The following JAZF1 variants were observed in gnomAD, a reference collection of about 807,000 sequenced individuals.
The protein encoded by JAZF1 is JAZF zinc finger 1.
In JAZF1, 8 loss-of-function variants were observed where a neutral mutation model predicts 26.4. That is an observed-to-expected ratio of 0.30 (90% CI 0.18 to 0.55). The LOEUF (loss-of-function observed/expected upper bound fraction) is 0.55. Ranked by LOEUF, JAZF1 falls within the 20% of genes least tolerant of loss-of-function variation. The pLI is 0.94. For missense variants in JAZF1, 199 were observed against 322.0 expected (o/e 0.62, Z 2.92); for synonymous variants, 126 against 122.3 (o/e 1.03, Z -0.20).
At chr7:27,935,747 C>T (rs964015860) in intron 2 of JAZF1, among the ~76,000 whole-genome samples, 1 of 152,124 alleles carries the variant, frequency 6.6e-6, no homozygotes, top group Non-Finnish European at 1.5e-5. Flanking sequence ...AATTGCTAGC[C>T]CCCAGCAAAA....
intron 1 of JAZF1, among the ~76,000 whole-genome samples, chr7:28,073,015 T>G (rs946971061): frequency 2.0e-5 from 3 of 152,178 alleles, no homozygotes; most frequent in Non-Finnish European, 2.9e-5. Flanking sequence ...ACTCCAGCCT[T>G]GCCTCAGTAT....
chr7:28,025,558 A>G (rs1562563004), intron 1 of JAZF1, among the ~76,000 whole-genome samples: 1 of 152,246 alleles, frequency 6.6e-6, no homozygotes, highest in East Asian at 1.9e-4. Context: ...ATTTTTCAGA[A>G]GTAAAATACG....
At chr7:27,845,118 T>C (rs1028418901) in intron 3 of JAZF1, among the ~76,000 whole-genome samples, 1 of 152,170 alleles carries the variant, frequency 6.6e-6, no homozygotes, top group Non-Finnish European at 1.5e-5. Context: ...ACAAAATATA[T>C]AAAGTATTTC....
intron 3 of JAZF1, among the ~76,000 whole-genome samples, chr7:27,868,854 CT>C (rs1260767452): frequency 6.6e-6 from 1 of 152,158 alleles, no homozygotes; most frequent in African/African-American, 2.4e-5. Context: ...ATGGAGAAGG[CT>C]TTTCACGGTG....
intron 2 of JAZF1, among the ~76,000 whole-genome samples, chr7:27,970,518 AT>A (rs1365804461): frequency 6.6e-6 from 1 of 152,196 alleles, no homozygotes; most frequent in African/African-American, 2.4e-5. Context: ...GAAATGTAGC[AT>A]TTCTTTCAAT....
intron 1 of JAZF1, among the ~76,000 whole-genome samples, chr7:28,123,385 G>T (rs1307551491): frequency 1.3e-5 from 2 of 152,116 alleles, no homozygotes; most frequent in Non-Finnish European, 2.9e-5. Flanking sequence ...GCACTTATCA[G>T]AGCTGTACTG....
chr7:28,160,693 A>G (rs939548863), intron 1 of JAZF1, among the ~76,000 whole-genome samples: 8 of 152,174 alleles, frequency 5.3e-5, no homozygotes, highest in Non-Finnish European at 1.0e-4. Context: ...GTGTTTTAGG[A>G]AGGTCACGAT....
intron 1 of JAZF1, among the ~76,000 whole-genome samples, chr7:28,115,731 C>T (rs1298965277): frequency 6.6e-6 from 1 of 152,116 alleles, no homozygotes; most frequent in Admixed American, 6.5e-5. Flanking sequence ...TCTTCCTGCT[C>T]ACCACATCCT....
chr7:27,991,188 C>G (rs762136685), intron 2 of JAZF1, among the ~76,000 whole-genome samples: 1 of 152,190 alleles, frequency 6.6e-6, no homozygotes, highest in Non-Finnish European at 1.5e-5. Flanking sequence ...AATTCATTCC[C>G]TGAATTATGA....
intron 1 of JAZF1, among the ~76,000 whole-genome samples, chr7:28,151,572 A>G (rs956074283): frequency 6.6e-6 from 1 of 151,958 alleles, no homozygotes. Flanking sequence ...AGGCCAAGGC[A>G]GATGGATCAC....
intron 1 of JAZF1, among the ~76,000 whole-genome samples, chr7:28,023,061 G>A (rs573206710): frequency 1.6e-4 from 25 of 152,288 alleles, no homozygotes; most frequent in African/African-American, 4.1e-4. Flanking sequence ...ACAAATAATG[G>A]TATACAATAA....
At chr7:27,944,634 T>C (rs1379581895) in intron 2 of JAZF1, among the ~76,000 whole-genome samples, 5 of 152,330 alleles carry the variant, frequency 3.3e-5, no homozygotes, top group Non-Finnish European at 5.9e-5. Flanking sequence ...CTGAAACATA[T>C]GGATGTGAGA....
At chr7:27,894,214 G>C (rs938245533) in intron 3 of JAZF1, among the ~76,000 whole-genome samples, 2 of 152,156 alleles carry the variant, frequency 1.3e-5, no homozygotes, top group African/African-American at 4.8e-5. Context: ...TCTGGCACTT[G>C]TGAGGCATTC....
intron 2 of JAZF1, among the ~76,000 whole-genome samples, chr7:27,977,756 T>C (rs1042355191): frequency 1.3e-5 from 2 of 152,174 alleles, no homozygotes; most frequent in African/African-American, 2.4e-5. Context: ...TCAGCAACTT[T>C]AGTTGTGCCG....
At chr7:28,177,886 CT>C (rs796497260) in intron 1 of JAZF1, among the ~76,000 whole-genome samples, 16 of 152,208 alleles carry the variant, frequency 1.1e-4, no homozygotes, top group African/African-American at 2.6e-4. Flanking sequence ...TATTTTTATT[CT>C]TCTTAAGATC....
At chr7:27,933,676 T>C (rs1199777681) in intron 2 of JAZF1, among the ~76,000 whole-genome samples, 1 of 152,208 alleles carries the variant, frequency 6.6e-6, no homozygotes. Context: ...TTTGCACACT[T>C]GTGGACAAGA....
At chr7:27,974,889 T>C (rs1785442019) in intron 2 of JAZF1, among the ~76,000 whole-genome samples, 1 of 7,690 alleles carries the variant, frequency 1.3e-4, no homozygotes, top group Admixed American at 9.9e-4. Flanking sequence ...CTTAGGGAGT[T>C]TTTTTTTTTT....
At chr7:28,126,419 G>A (rs1358742598) in intron 1 of JAZF1, among the ~76,000 whole-genome samples, 1 of 151,898 alleles carries the variant, frequency 6.6e-6, no homozygotes, top group Non-Finnish European at 1.5e-5. Context: ...TTAATGAGGA[G>A]AGGGGGATGG....
At chr7:28,058,475 C>T (rs929531050) in intron 1 of JAZF1, among the ~76,000 whole-genome samples, 1 of 152,114 alleles carries the variant, frequency 6.6e-6, no homozygotes, top group African/African-American at 2.4e-5. Flanking sequence ...TTCTACCCCC[C>T]AGTCTCCTAC....
Sources: gnomAD v4.1 joint callset for allele counts (sites outside exome capture counted in the v4.1 genomes callset) on GRCh38, gnomAD v4.1.1 for gene constraint, MANE v1.5 for transcripts, NCBI Gene and HGNC (gene_info 2026-07-23, HGNC 2026-07-21) for gene names.